Variants in MAP2 observed in about 807,000 individuals in gnomAD.
MAP2 encodes microtubule associated protein 2.
Under a neutral mutation model 137.6 loss-of-function variants are expected in MAP2, and 14 were observed. That is an observed-to-expected ratio of 0.10 (90% CI 0.07 to 0.16). MAP2 has a LOEUF of 0.16. Ranked by LOEUF, MAP2 falls within the 10% of genes least tolerant of loss-of-function variation. MAP2 has a pLI of 1.00. For missense variants in MAP2, 2,088 were observed against 2,191.5 expected (o/e 0.95, Z 0.94); for synonymous variants, 786 against 782.3 (o/e 1.00, Z -0.08).
intron 1 of MAP2, among the ~76,000 whole-genome samples, chr2:209,484,182 C>T (rs1209774901): frequency 1.3e-5 from 2 of 152,116 alleles, no homozygotes; most frequent in Admixed American, 1.3e-4. Context: ...TTGTGAGGGC[C>T]ATTTGTGTTG....
chr2:209,471,317 G>T (rs1039403464), intron 1 of MAP2, among the ~76,000 whole-genome samples: 12 of 152,100 alleles, frequency 7.9e-5, no homozygotes, highest in African/African-American at 2.7e-4. Flanking sequence ...TTTTAATTAT[G>T]TTAAACCTAT....
intron 13 of MAP2, chr2:209,710,956 C>A (rs918002143): frequency 2.0e-5 from 3 of 152,244 alleles, no homozygotes; most frequent in Non-Finnish European, 4.4e-5. Context: ...TCTGTCTTGA[C>A]CTGAACCTTG....
Position 209,610,172 on chromosome 2 carries a change from AG to A in MAP2, c.-106-14878del, listed in dbSNP as rs377026094. On this transcript the variant is annotated intron_variant, in intron 3 of 15. Coordinates refer to ENST00000682079, the MANE Select transcript of MAP2 (RefSeq NM_001375505.1). Reference sequence around the variant, plus strand: ...ATAAGCAATAATTACCTAAGTAAAAAGGGTAGAGAAGAGCATTCCAAGCAGA... The same window carrying A: ...ATAAGCAATAATTACCTAAGTAAAAAGGTAGAGAAGAGCATTCCAAGCAGA... Among the ~76,000 whole-genome samples, 97 of 152,214 alleles carry A rather than the reference AG, an allele frequency of 6.4e-4. 1 individual carries two copies. The East Asian group carries it at 0.017, about 27-fold the overall frequency.
intron 4 of MAP2, among the ~76,000 whole-genome samples, chr2:209,628,715 C>T (rs1023571822): frequency 6.6e-6 from 1 of 152,176 alleles, no homozygotes; most frequent in African/African-American, 2.4e-5. Context: ...CAACAAGATG[C>T]TACATATACT....
At chr2:209,606,905 A>G (rs1030279683) in intron 3 of MAP2, among the ~76,000 whole-genome samples, 1 of 152,222 alleles carries the variant, frequency 6.6e-6, no homozygotes, top group African/African-American at 2.4e-5. Context: ...GTAAATGAAT[A>G]GCATTAATGA....
At chr2:209,691,069 A>G (rs1036744875) in intron 7 of MAP2, among the ~76,000 whole-genome samples, 3 of 152,212 alleles carry the variant, frequency 2.0e-5, no homozygotes, top group Non-Finnish European at 2.9e-5. Flanking sequence ...TTCCTTTGCC[A>G]TGATACAATA....
chr2:209,479,803 A>T (rs1203946627), intron 1 of MAP2, among the ~76,000 whole-genome samples: 2 of 152,180 alleles, frequency 1.3e-5, no homozygotes, highest in Non-Finnish European at 2.9e-5. Flanking sequence ...ACATTTTAAA[A>T]GACTTGGTAA....
At chr2:209,657,609 C>T (rs2041556819) in intron 5 of MAP2, among the ~76,000 whole-genome samples, 1 of 151,886 alleles carries the variant, frequency 6.6e-6, no homozygotes. Flanking sequence ...ATGTCCGTTG[C>T]TCACTTTTTA....
chr2:209,725,887 G>C, intron 14 of MAP2, 97 bp downstream of exon 14: 1 of 661,792 alleles, frequency 1.5e-6, no homozygotes, highest in Middle Eastern at 3.1e-4. Flanking sequence ...TAATTGGAAG[G>C]ATGTTTTAAA....
intron 5 of MAP2, among the ~76,000 whole-genome samples, chr2:209,657,250 T>C (rs2041376779): frequency 6.6e-6 from 1 of 152,236 alleles, no homozygotes; most frequent in Admixed American, 6.5e-5. Context: ...TGAGTGCAGG[T>C]GTCTTTGATA....
At chr2:209,481,440 A>ATGGGGGAC (rs1708750377) in intron 1 of MAP2, among the ~76,000 whole-genome samples, 1 of 152,110 alleles carries the variant, frequency 6.6e-6, no homozygotes, top group South Asian at 2.1e-4. Flanking sequence ...TGTTTCATTG[A>ATGGGGGAC]TGGGGGACTG....
At chr2:209,449,475 G>T (rs1292670707) in intron 1 of MAP2, among the ~76,000 whole-genome samples, 2 of 151,852 alleles carry the variant, frequency 1.3e-5, no homozygotes, top group Non-Finnish European at 2.9e-5. Context: ...CATACCTATT[G>T]CTAAAACAGT....
chr2:209,584,880 A>G (rs1254460467), intron 3 of MAP2, among the ~76,000 whole-genome samples: 1 of 152,176 alleles, frequency 6.6e-6, no homozygotes, highest in East Asian at 1.9e-4. Context: ...TTTGAATCTG[A>G]TAACTGAAAA....
At chr2:209,429,249 G>A (rs1054975834) in intron 1 of MAP2, among the ~76,000 whole-genome samples, 3 of 152,030 alleles carry the variant, frequency 2.0e-5, no homozygotes, top group East Asian at 1.9e-4. Context: ...CACCGTGCCC[G>A]GCAATTACTT....
intron 4 of MAP2, among the ~76,000 whole-genome samples, chr2:209,646,678 A>G (rs2094441621): frequency 2.0e-5 from 3 of 152,182 alleles, no homozygotes; most frequent in Non-Finnish European, 1.5e-5. Flanking sequence ...GATAGTTTCT[A>G]TTAAGTGATT....
intron 3 of MAP2, among the ~76,000 whole-genome samples, chr2:209,608,501 G>A (rs1457845627): frequency 6.6e-6 from 1 of 152,014 alleles, no homozygotes. Context: ...TGTCCAGGCT[G>A]GGAAATCTAT....
chr2:209,473,558 AC>A (rs1293013225), intron 1 of MAP2, among the ~76,000 whole-genome samples: 1 of 151,926 alleles, frequency 6.6e-6, no homozygotes, highest in African/African-American at 2.4e-5. Flanking sequence ...ATGATTTATC[AC>A]CCCCAAGTGT....
chr2:209,510,849 A>G (rs1309865060), intron 2 of MAP2, among the ~76,000 whole-genome samples: 4 of 152,072 alleles, frequency 2.6e-5, no homozygotes, highest in African/African-American at 4.8e-5. Flanking sequence ...ATCAAAAGCT[A>G]AATGATTTTC....
In MAP2 at chr2:209,693,857, T is replaced by C. The variant is rs1170649081; in HGVS notation, c.1687T>C (p.Tyr563His). Residue 563 changes from tyrosine to histidine, a missense_variant, in exon 8 of 16, where the codon TAT becomes CAT. Tyr to His is a moderately conservative substitution (Grantham distance 83). Coordinates refer to ENST00000682079, the MANE Select transcript of MAP2 (RefSeq NM_001375505.1). Reference protein sequence around the residue: ...ATSAELDMPFYEDKSGMSKYF... With the variant: ...ATSAELDMPFHEDKSGMSKYF... ...ATCAGCTGAGCTTGATATGCCATTT[T>C]ATGAAGATAAATCAGGAATGTCCAA... 1 of 1,613,190 alleles carries C rather than the reference T, an allele frequency of 6.2e-7. No individual in the cohort carries two copies. Among genetic ancestry groups the C allele is most frequent in the Non-Finnish European group, 8.5e-7 (1 of 1,179,766 alleles).
Sources: gnomAD v4.1 joint callset for allele counts (sites outside exome capture counted in the v4.1 genomes callset) on GRCh38, gnomAD v4.1.1 for gene constraint, MANE v1.5 for transcripts, NCBI Gene and HGNC (gene_info 2026-07-23, HGNC 2026-07-21) for gene names.